Variants in TBC1D16 observed in about 807,000 individuals in gnomAD.
The protein encoded by TBC1D16 is CTD-2529O21.1.
A neutral mutation model predicts 74.7 loss-of-function variants in TBC1D16; 58 were observed. The ratio of observed to expected loss-of-function variants is 0.78; its 90% CI spans 0.63 to 0.97. The LOEUF (loss-of-function observed/expected upper bound fraction) is 0.97. Among genes scored for constraint, TBC1D16 ranks in the 50% least tolerant of loss-of-function variants. The pLI is 0.00. For synonymous variants in TBC1D16, 493 were observed against 474.7 expected (o/e 1.04, Z -0.50); for missense variants, 1,014 against 1,079.5 (o/e 0.94, Z 0.85).
chr17:79,948,393 A>C (rs1385371566), intron 8 of TBC1D16, among the ~76,000 whole-genome samples: 43 of 151,924 alleles, frequency 2.8e-4, no homozygotes, highest in Admixed American at 2.8e-3. Context: ...AAGGGGGAAC[A>C]TGGCTCTGAT....
At position 80,008,329 on chromosome 17, in the gene TBC1D16, C is replaced by T. The variant is rs993504099; in HGVS notation, c.779+1831G>A. ...CCCAGGTTCACACTAACCAGTGATG[C>T]CAGGACTCAACCGGCACTCAACTCC... On this transcript the variant is annotated intron_variant, in intron 3 of 11. Coordinates refer to ENST00000310924, the MANE Select transcript of TBC1D16 (RefSeq NM_019020.4). This position sits in a 1 kb window ranked among gnomAD's most constrained non-coding sequence, Gnocchi z 4.5. Among the ~76,000 whole-genome samples the T allele has an allele frequency of 6.6e-6, 1 of 152,188 alleles. No individual in the cohort carries two copies. Among genetic ancestry groups the T allele is most frequent in the Admixed American group, 6.5e-5 (1 of 15,278 alleles).
In TBC1D16 at chr17:80,015,546, G is replaced by A. The variant is rs182131352; in HGVS notation, c.-62-1937C>T. On this transcript the variant is annotated intron_variant, in intron 1 of 11. Coordinates refer to ENST00000310924, the MANE Select transcript of TBC1D16 (RefSeq NM_019020.4). ...ACCACAGCTGGGCTGCGTGCAGGCC[G>A]GCTTCACAAAAGTCTGCAGAGGTCA... 6.1e-4 allele frequency among the ~76,000 whole-genome samples: 93 copies of A among 152,304 alleles called. 1 individual carries two copies. In the East Asian group the frequency reaches 0.014, roughly 23 times the overall value.
At chr17:79,952,158 G>A in intron 4 of TBC1D16, 1 of 155,858 alleles carries the variant, frequency 6.4e-6, no homozygotes, top group Non-Finnish European at 1.4e-5. Context: ...CTAAGCCCGG[G>A]CCTCTCATTG....
intron 3 of TBC1D16, among the ~76,000 whole-genome samples, chr17:79,973,402 G>A (rs748193784): frequency 1.3e-4 from 19 of 151,980 alleles, no homozygotes; most frequent in Admixed American, 2.6e-4. Context: ...GTTAGACCCC[G>A]TCTTTATAAA....
chr17:79,983,644 G>A lies in TBC1D16; in HGVS notation c.779+26516C>T, dbSNP rs1266902586. 1.3e-5 allele frequency among the ~76,000 whole-genome samples: 2 copies of A among 152,216 alleles called. No homozygotes were observed. Among genetic ancestry groups the A allele is most frequent in the African/African-American group, 2.4e-5 (1 of 41,456 alleles). On this transcript the variant is annotated intron_variant, in intron 3 of 11. Transcript: ENST00000310924. The surrounding 1 kb of genome is among the most constrained non-coding windows in gnomAD (Gnocchi z 5.6). ...CATGTGTGCAAAGCCTGCTTTAGGA[G>A]AGCAAGGAAGTGCCGCCCACGGCAT...
At chr17:80,017,000 C>T (rs1380394324) in intron 1 of TBC1D16, among the ~76,000 whole-genome samples, 1 of 152,128 alleles carries the variant, frequency 6.6e-6, no homozygotes, top group Non-Finnish European at 1.5e-5. Flanking sequence ...CAGATCCTCA[C>T]CTCCTCAGCC....
At chr17:79,989,914 C>T (rs939209930) in intron 3 of TBC1D16, among the ~76,000 whole-genome samples, 2 of 152,166 alleles carry the variant, frequency 1.3e-5, no homozygotes, top group African/African-American at 4.8e-5. Context: ...GGGGTCCCCA[C>T]CCTCCTGGGG....
intron 3 of TBC1D16, among the ~76,000 whole-genome samples, chr17:79,957,417 G>A (rs1416727525): frequency 1.3e-5 from 2 of 152,216 alleles, no homozygotes; most frequent in African/African-American, 4.8e-5. Flanking sequence ...TGCGTCTTAC[G>A]AAGGGGTTTA....
rs1598319501 is a variant in TBC1D16, at chr17:79,945,142, C to T, written c.1729-55G>A. The T allele has an allele frequency of 6.0e-6, 9 of 1,491,892 alleles. No individual in the cohort carries two copies. In the East Asian group the frequency reaches 2.3e-4, roughly 38 times the overall value. 92.4% of individuals were successfully genotyped at this position (1,491,892 alleles called of 1,614,324 possible). On this transcript the variant is annotated intron_variant, in intron 9 of 11. Transcript: ENST00000310924. ...GCTCCGGTCCCATGCGGCCTGCTGC[C>T]CAGGAAGCCCACTCCCACTGGGGCC... is the stretch of plus-strand genomic sequence containing the variant.
Position 79,950,686 on chromosome 17 carries a change from G to A in TBC1D16, c.1090-108C>T. On this transcript the variant is annotated intron_variant, in intron 5 of 11. Transcript: ENST00000310924. The surrounding 1 kb of genome is among the most constrained non-coding windows in gnomAD (Gnocchi z 4.6). ...AGCCTCTCTCTCTTCTGAAAGGAGG[G>A]CAAGGGCCGTCCCCTGCATACAAAC... is the stretch of plus-strand genomic sequence containing the variant. 3 of 1,548,046 alleles carry A rather than the reference G, an allele frequency of 1.9e-6. 1 individual carries two copies. The South Asian group carries it at 3.6e-5, about 18-fold the overall frequency.
intron 3 of TBC1D16, among the ~76,000 whole-genome samples, chr17:79,998,660 C>T (rs910029761): frequency 6.6e-6 from 1 of 151,766 alleles, no homozygotes; most frequent in Non-Finnish European, 1.5e-5. Context: ...TGGCTTCTTC[C>T]ACGTAGCAAT....
At chr17:79,978,248 C>G (rs2034422466) in intron 3 of TBC1D16, among the ~76,000 whole-genome samples, 1 of 152,220 alleles carries the variant, frequency 6.6e-6, no homozygotes, top group Non-Finnish European at 1.5e-5. Flanking sequence ...GCGGCACACT[C>G]CCAGAGCCAG....
rs753803596 is a variant in TBC1D16, at chr17:79,981,790, G to A, written c.779+28370C>T. 2.0e-5 allele frequency among the ~76,000 whole-genome samples: 3 copies of A among 152,158 alleles called. No homozygotes were observed. The highest frequency in any genetic ancestry group is 7.2e-5 in the African/African-American group (3 of 41,434). ...CTGCACATAACGCTGAACCTGCCAC[G>A]GGCACGAAGCAGACCCACATCCGTC... is the stretch of plus-strand genomic sequence containing the variant. On this transcript the variant is annotated intron_variant, in intron 3 of 11. Coordinates refer to ENST00000310924, the MANE Select transcript of TBC1D16 (RefSeq NM_019020.4). This position sits in a 1 kb window ranked among gnomAD's most constrained non-coding sequence, Gnocchi z 6.9.
intron 11 of TBC1D16, 42 bp downstream of exon 11, chr17:79,942,004 TGGGGTGGGGCTTTG>T: frequency 9.7e-7 from 1 of 1,033,350 alleles, no homozygotes; most frequent in South Asian, 1.4e-5. Context: ...AACGAGCTGG[TGGGGTGGGGCTTTG>T]GGGGCGGGGC....
At chr17:80,020,281 T>C (rs1009088372) in intron 1 of TBC1D16, among the ~76,000 whole-genome samples, 1 of 149,756 alleles carries the variant, frequency 6.7e-6, no homozygotes, top group Non-Finnish European at 1.5e-5. Context: ...ACCACATTAT[T>C]AACACATTTA....
At position 79,981,438 on chromosome 17, in the gene TBC1D16, G is replaced by A. The variant is rs1472725838; in HGVS notation, c.780-28620C>T. Among the ~76,000 whole-genome samples, 4 of 152,302 alleles carry A rather than the reference G, an allele frequency of 2.6e-5. No individual in the cohort carries two copies. The highest frequency in any genetic ancestry group is 5.9e-5 in the Non-Finnish European group (4 of 68,024). ...CTCTAATACCTCCTCAGAGCTTTCC[G>A]GAGAGAAGGGAGGAAGCCAGGGAAG... On this transcript the variant is annotated intron_variant, in intron 3 of 11. Transcript: ENST00000310924. The surrounding 1 kb of genome is among the most constrained non-coding windows in gnomAD (Gnocchi z 6.9).
chr17:79,941,254 G>A lies in TBC1D16; in HGVS notation c.2056-147C>T, dbSNP rs2031953200. ...GAGTCCTGGACTGAGGGCTCTGCCT[G>A]CATCTCCCACCATCACCGGCACCAC... On this transcript the variant is annotated intron_variant, in intron 11 of 11. Transcript: ENST00000310924. This position sits in a 1 kb window ranked among gnomAD's most constrained non-coding sequence, Gnocchi z 4.3. 2.1e-5 allele frequency: 16 copies of A among 769,376 alleles called. No homozygotes were observed. In the South Asian group the frequency reaches 2.6e-4, roughly 13 times the overall value. The allele number at this position is 769,376 out of a possible 1,614,324, so 47.7% of individuals were successfully genotyped here. A position where few individuals can be genotyped will look rare whatever the true frequency, so the allele number is the denominator to read the frequency against.
chr17:79,949,912 CAAAG>C (rs765731631), intron 6 of TBC1D16, 47 bp from the exon 7 acceptor site: 1 of 1,590,520 alleles, frequency 6.3e-7, no homozygotes, highest in African/African-American at 1.3e-5. Context: ...TGGGGCAGCT[CAAAG>C]AACCCCCAAA....
chr17:79,968,353 A>G (rs2033926604), intron 3 of TBC1D16, among the ~76,000 whole-genome samples: 2 of 152,240 alleles, frequency 1.3e-5, no homozygotes, highest in Non-Finnish European at 2.9e-5. Flanking sequence ...ACAACTGGAT[A>G]GCCACATACA....
Sources: gnomAD v4.1 joint callset for allele counts (sites outside exome capture counted in the v4.1 genomes callset) on GRCh38, gnomAD v4.1.1 for gene constraint, Gnocchi (gnomAD v3.1) non-coding constraint, MANE v1.5 for transcripts, NCBI Gene and HGNC (gene_info 2026-07-23, HGNC 2026-07-21) for gene names.